The following GSR variants were observed in gnomAD, a reference collection of about 807,000 sequenced individuals.
GSR encodes glutathione-disulfide reductase, also known as glutathione reductase, mitochondrial.
A neutral mutation model predicts 56.5 loss-of-function variants in GSR; 48 were observed. That is an observed-to-expected ratio of 0.85 (90% confidence interval 0.67 to 1.08). GSR has a LOEUF of 1.08. GSR is among the 50% of genes least tolerant of loss of function. The pLI is 0.00. For synonymous variants in GSR, 264 were observed against 270.8 expected, an observed-to-expected ratio of 0.97 and a Z score of 0.25; for missense variants, 694 against 703.3, an observed-to-expected ratio of 0.99 and a Z score of 0.15.
At chr8:30,686,254 G>A (rs1803156913) in intron 9 of GSR, among the ~76,000 whole-genome samples, 3 of 151,794 alleles carry the variant, frequency 2.0e-5, no homozygotes, top group East Asian at 1.9e-4. Context: ...TACCTTGCCG[G>A]TTGTTGGCAA....
At chr8:30,696,545 G>A (rs1258260737) in intron 6 of GSR, 66 bp from the exon 7 acceptor site, 7 of 1,103,178 alleles carry the variant, frequency 6.3e-6, no homozygotes, top group Non-Finnish European at 9.8e-6. Context: ...CACGTTTACA[G>A]AAAAGTTGCA....
intron 1 of GSR, among the ~76,000 whole-genome samples, chr8:30,718,614 T>C (rs1331515523): frequency 6.6e-6 from 1 of 152,126 alleles, no homozygotes; most frequent in African/African-American, 2.4e-5. Context: ...GAAGTTTGCC[T>C]CCCAGACTGG....
Position 30,678,805 on chromosome 8 carries a change from AGGTTCTGTGCACT to A in GSR, c.*702_*714del, listed in dbSNP as rs1802834485. ...AGTACTGGCTTCAAAAAATATATAA[AGGTTCTGTGCACT>A]GGCACTGTTTACATGTGAAGAATTG... On this transcript the variant is annotated 3_prime_UTR_variant, in exon 13 of 13. Coordinates refer to ENST00000221130, the MANE Select transcript of GSR (RefSeq NM_000637.5). The A allele has an allele frequency of 6.6e-6, 1 of 152,270 alleles. No individual in the cohort carries two copies. Among genetic ancestry groups the A allele is most frequent in the Non-Finnish European group, 1.5e-5 (1 of 68,128 alleles). 9.4% of individuals were successfully genotyped at this position (152,270 alleles called of 1,614,324 possible). A position where few individuals can be genotyped will look rare whatever the true frequency, so the allele number is the denominator to read the frequency against.
chr8:30,721,160 G>C (rs1804524173), intron 1 of GSR, among the ~76,000 whole-genome samples: 1 of 149,968 alleles, frequency 6.7e-6, no homozygotes, highest in African/African-American at 2.4e-5. Context: ...AGAAGAAAGA[G>C]TTTTGTGAGA....
intron 5 of GSR, among the ~76,000 whole-genome samples, chr8:30,701,794 C>CAAAAA (rs34877158): frequency 1.4e-5 from 1 of 72,328 alleles, no homozygotes; most frequent in African/African-American, 6.3e-5. Flanking sequence ...ATCTGTCTCA[C>CAAAAA]AAAAAAAAAA....
chr8:30,699,112 C>T (rs1803643131), intron 6 of GSR, among the ~76,000 whole-genome samples: 1 of 151,950 alleles, frequency 6.6e-6, no homozygotes, highest in Non-Finnish European at 1.5e-5. Flanking sequence ...AGAACGAGAC[C>T]CCATCTCTAC....
chr8:30,689,667 T>C (rs563922560), intron 8 of GSR, among the ~76,000 whole-genome samples: 1 of 151,148 alleles, frequency 6.6e-6, no homozygotes, highest in East Asian at 1.9e-4. Flanking sequence ...GCTTTGAAAG[T>C]AGGCCACGGC....
intron 3 of GSR, among the ~76,000 whole-genome samples, chr8:30,708,517 A>G (rs1382293765): frequency 6.6e-6 from 1 of 152,268 alleles, no homozygotes; most frequent in East Asian, 1.9e-4. Flanking sequence ...AAGGATTTAC[A>G]GCAGTTCCTT....
chr8:30,727,432 G>T, intron 1 of GSR, 98 bp downstream of exon 1: 1 of 1,177,340 alleles, frequency 8.5e-7, no homozygotes, highest in Non-Finnish European at 1.2e-6. Context: ...AAAGCCCAGC[G>T]CCGGGGGACA....
At chr8:30,689,968 T>G (rs973112306) in intron 8 of GSR, among the ~76,000 whole-genome samples, 1 of 137,518 alleles carries the variant, frequency 7.3e-6, no homozygotes, top group African/African-American at 2.6e-5. Flanking sequence ...TTTTTATTTA[T>G]TATATATATA....
chr8:30,684,262 C>T, intron 9 of GSR, 63 bp from the exon 10 acceptor site: 1 of 884,982 alleles, frequency 1.1e-6, no homozygotes, highest in Admixed American at 1.7e-5. Flanking sequence ...GTAGATCAAA[C>T]CTCTGGATCT....
chr8:30,708,750 A>G (rs190701554), intron 3 of GSR, among the ~76,000 whole-genome samples: 1 of 151,932 alleles, frequency 6.6e-6, no homozygotes, highest in East Asian at 1.9e-4. Context: ...AGGTCAGAAG[A>G]TCGAGATCAT....
At chr8:30,711,366 TA>T (rs374950705) in intron 2 of GSR, among the ~76,000 whole-genome samples, 1 of 151,750 alleles carries the variant, frequency 6.6e-6, no homozygotes, top group Admixed American at 6.6e-5. Context: ...TTGTCAAGGG[TA>T]AAAAAAATGA....
intron 1 of GSR, among the ~76,000 whole-genome samples, chr8:30,725,292 A>C (rs1804686402): frequency 6.6e-6 from 1 of 152,080 alleles, no homozygotes; most frequent in Admixed American, 6.5e-5. Flanking sequence ...AACAATAAAT[A>C]AAATAAAAAC....
At chr8:30,709,240 C>T (rs1804023748) in intron 3 of GSR, among the ~76,000 whole-genome samples, 1 of 152,014 alleles carries the variant, frequency 6.6e-6, no homozygotes, top group Non-Finnish European at 1.5e-5. Flanking sequence ...TGGCACGTGC[C>T]TGTAGTCCCA....
intron 9 of GSR, among the ~76,000 whole-genome samples, chr8:30,686,690 A>G (rs2551726): frequency 0.57 from 87,209 of 151,808 alleles, 25,073 homozygotes; most frequent in Middle Eastern, 0.67. Context: ...GCAAGACCCT[A>G]TCCAACCCCC....
In GSR at chr8:30,689,313, C is replaced by G; in HGVS notation, c.889G>C (p.Glu297Gln). ...VEVLKFSQVK[E>Q]VKKTLSGLEV... ...AAGCCCGACAAAGTCTTTTTAACCTCCTTGACCTATTGGCAAATAAAATGT... is the reference window on the plus strand; with the variant it reads ...AAGCCCGACAAAGTCTTTTTAACCTGCTTGACCTATTGGCAAATAAAATGT... Residue 297 changes from glutamate to glutamine, a missense_variant, in exon 9 of 13, where the codon GAG becomes CAG. By Grantham distance (29) the Glu-to-Gln change is conservative (BLOSUM62 2). Coordinates refer to ENST00000221130, the MANE Select transcript of GSR (RefSeq NM_000637.5). The G allele has an allele frequency of 6.2e-7, 1 of 1,613,844 alleles. No individual in the cohort carries two copies. The highest frequency in any genetic ancestry group is 8.5e-7 in the Non-Finnish European group (1 of 1,179,698).
At position 30,681,995 on chromosome 8, in the gene GSR, T is replaced by C. The variant is rs1170102655; in HGVS notation, c.1220A>G (p.Asp407Gly). Residue 407 changes from aspartate (D) to glycine (G), a missense_variant, in exon 11 of 13, where the codon GAT becomes GGT. Asp to Gly is a moderately conservative substitution (Grantham distance 94, BLOSUM62 -1). Coordinates refer to ENST00000221130, the MANE Select transcript of GSR (RefSeq NM_000637.5). ...GACCACAGTTGGGATGTTGTTATAA[T>C]CTAATTTGGAATCTTCCTTATATTC... ...LFEYKEDSKL[D>G]YNNIPTVVFS... 3 of 1,613,366 alleles carry C rather than the reference T, an allele frequency of 1.9e-6. No individual in the cohort carries two copies. In the South Asian group the frequency reaches 3.3e-5, roughly 18 times the overall value.
chr8:30,692,938 G>A (rs1336754781), intron 8 of GSR, 31 bp downstream of exon 8: 3 of 1,357,008 alleles, frequency 2.2e-6, no homozygotes, highest in Non-Finnish European at 3.2e-6. Flanking sequence ...TTGACTGGGG[G>A]CCGCGTGCAT....
Sources: allele counts gnomAD v4.1 joint callset (sites outside exome capture counted in the v4.1 genomes callset), GRCh38; gene constraint gnomAD v4.1.1; transcripts MANE v1.5; gene names NCBI Gene and HGNC (gene_info 2026-07-23, HGNC 2026-07-21).